Variants in HOXD11 observed in about 807,000 individuals in gnomAD.
The protein encoded by HOXD11 is homeobox D11, also known as homeobox protein Hox-D11.
HOXD11 carries 16 observed loss-of-function variants against 23.1 expected under a neutral mutation model. The observed-to-expected ratio is 0.69, with a 90% CI of 0.47 to 1.05. The LOEUF is 1.05. Among genes scored for constraint, HOXD11 ranks in the 50% least tolerant of loss-of-function variants. The pLI is 0.00. For synonymous variants in HOXD11, 262 were observed against 224.4 expected (o/e 1.17, Z -1.50); for missense variants, 564 against 495.6 (o/e 1.14, Z -1.31).
chr2:176,113,842 A>T (rs922246085), downstream of HOXD11, among the ~76,000 whole-genome samples: 12 of 152,202 alleles, frequency 7.9e-5, no homozygotes, highest in African/African-American at 2.9e-4. Context: ...CCAATAAGGG[A>T]GTGACTTTGA....
downstream of HOXD11, among the ~76,000 whole-genome samples, chr2:176,112,610 A>G (rs987035077): frequency 7.2e-5 from 11 of 152,184 alleles, no homozygotes; most frequent in Non-Finnish European, 1.5e-5. Flanking sequence ...CCTTGGCTCC[A>G]CTAGTCTGAC....
intron 1 of HOXD11, among the ~76,000 whole-genome samples, 200 bp downstream of exon 1, chr2:176,108,336 T>C (rs1380755136): frequency 2.0e-5 from 3 of 152,124 alleles, no homozygotes; most frequent in Non-Finnish European, 4.4e-5. Flanking sequence ...TAAGGTAGAC[T>C]TCGAGGAGGA....
Position 176,108,937 on chromosome 2 carries a change from G to A in HOXD11, c.812G>A (p.Cys271Tyr), listed in dbSNP as rs1438663555. The A allele has an allele frequency of 4.3e-6, 7 of 1,613,966 alleles. No individual in the cohort carries two copies. The African/African-American group carries it at 9.3e-5, about 22-fold the overall frequency. The change falls in exon 2 of 2, where the codon TGT becomes TAT. Residue 271 changes from cysteine to tyrosine, a missense_variant. Coordinates refer to ENST00000249504, the MANE Select transcript of HOXD11 (RefSeq NM_021192.3). ...VAPQRSRKKR[C>Y]PYTKYQIREL... ...CCCCAGCGGTCCCGGAAAAAGCGCT[G>A]TCCCTATACCAAGTACCAGATCCGC...
intron 1 of HOXD11, chr2:176,108,659 C>CTGTGGGTG: frequency 3.1e-6 from 1 of 325,008 alleles, no homozygotes. Flanking sequence ...GTGCCAGGCT[C>CTGTGGGTG]TGTGTGTGTG....
chr2:176,108,659 C>CTCTCTGTG, intron 1 of HOXD11: 1 of 325,008 alleles, frequency 3.1e-6, no homozygotes, highest in Non-Finnish European at 5.5e-6. Flanking sequence ...GTGCCAGGCT[C>CTCTCTGTG]TGTGTGTGTG....
chr2:176,111,840 A>AAAAAAAAAAAAAAAAAAAAAAAC (rs1553518459), downstream of HOXD11, among the ~76,000 whole-genome samples: 1 of 140,724 alleles, frequency 7.1e-6, no homozygotes, highest in Non-Finnish European at 1.6e-5. Context: ...AAAAAAAAAA[A>AAAAAAAAAAAAAAAAAAAAAAAC]AAAAAAAAAC....
rs1310324031 is a variant in HOXD11 at position 176,107,748 on chromosome 2, G to T, written c.393G>T (p.Pro131=). The T allele has an allele frequency of 1.7e-6, 2 of 1,200,392 alleles. No homozygotes were observed. Among genetic ancestry groups the T allele is most frequent in the Non-Finnish European group, 2.1e-6 (2 of 972,014 alleles). 74.4% of individuals were successfully genotyped at this position (1,200,392 alleles called of 1,614,324 possible). A position where few individuals can be genotyped will look rare whatever the true frequency, so the allele number is the denominator to read the frequency against. Residue 131 remains proline (P), a synonymous_variant, in exon 1 of 2, where the codon CCG becomes CCT. Transcript: ENST00000249504. ...CGGCCATGCAACGCGAGCTTCTCCC[G>T]CCCGCGGGCCGCCGGCCGGACGTGC... The part of the protein sequence containing the change: ...EEAAMQRELL[P]PAGRRPDVLF...
rs1329685765 is a variant in HOXD11, at chr2:176,108,972, C to A, written c.847C>A (p.Arg283Ser). ...YTKYQIRELE[R>S]EFFFNVYINK... ...CAAGTACCAGATCCGCGAACTGGAACGCGAGTTTTTCTTTAACGTGTACAT... is the reference window on the plus strand; with the variant it reads ...CAAGTACCAGATCCGCGAACTGGAAAGCGAGTTTTTCTTTAACGTGTACAT... The change falls in exon 2 of 2, where the codon CGC (arginine) becomes AGC (serine). Residue 283 changes from arginine to serine, a missense_variant. Physicochemically the swap from Arg to Ser is moderately radical, Grantham distance 110. Coordinates refer to ENST00000249504, the MANE Select transcript of HOXD11 (RefSeq NM_021192.3). The A allele has an allele frequency of 6.2e-7, 1 of 1,614,164 alleles. No homozygotes were observed. The highest frequency in any genetic ancestry group is 2.2e-5 in the East Asian group (1 of 44,882).
rs915506337 is a variant in HOXD11, at chr2:176,107,506, C to T, written c.151C>T (p.Leu51=). 24 of 1,613,690 alleles carry T rather than the reference C, an allele frequency of 1.5e-5. No homozygotes were observed. Among genetic ancestry groups the T allele is most frequent in the Non-Finnish European group, 1.9e-5 (23 of 1,179,876 alleles). The change falls in exon 1 of 2, where the codon CTG becomes TTG. Residue 51 remains leucine (L), a synonymous_variant. Transcript: ENST00000249504. The stretch of plus-strand genomic sequence containing the variant: ...GATGACTTTCCCCTACTCTTCCAAC[C>T]TGGCTCCGCACGTCCAGCCCGTGCG... The part of the protein sequence containing the change: ...CQMTFPYSSN[L]APHVQPVREV...
the HOXD11 span, among the ~76,000 whole-genome samples, chr2:176,115,592 G>A: frequency 1.3e-5 from 2 of 152,304 alleles, no homozygotes; most frequent in African/African-American, 2.4e-5. Context: ...AAATTACCAA[G>A]TAGCCCAAGA....
At position 176,109,125 on chromosome 2, in the gene HOXD11, G is replaced by A. The variant is rs1301627520; in HGVS notation, c.1000G>A (p.Gly334Arg). The change falls in exon 2 of 2, where the codon GGA becomes AGA. Residue 334 changes from glycine to arginine, a missense_variant. Physicochemically the swap from Gly to Arg is moderately radical, Grantham distance 125. Coordinates refer to ENST00000249504, the MANE Select transcript of HOXD11 (RefSeq NM_021192.3). The part of the protein sequence containing the change: ...LNRDRLQYFT[G>R]NPLF ...CAGAGACCGTCTGCAGTATTTCACT[G>A]GAAACCCCTTATTTTGAGAGCTCCA... is the stretch of plus-strand genomic sequence containing the variant. 1.9e-6 allele frequency: 3 copies of A among 1,611,986 alleles called. No homozygotes were observed. The highest frequency in any genetic ancestry group is 2.5e-6 in the Non-Finnish European group (3 of 1,178,162).
chr2:176,110,243 G>T (rs1464794210), downstream of HOXD11, among the ~76,000 whole-genome samples: 8 of 152,168 alleles, frequency 5.3e-5, no homozygotes, highest in East Asian at 1.5e-3. Context: ...TGTGGTGAGG[G>T]CTCTACTGCA....
downstream of HOXD11, among the ~76,000 whole-genome samples, chr2:176,114,385 C>A (rs972413002): frequency 1.3e-5 from 2 of 152,012 alleles, no homozygotes; most frequent in Non-Finnish European, 2.9e-5. Context: ...AAACAGCCAC[C>A]CCTGTGGAAA....
At chr2:176,115,468 T>C in the HOXD11 span, among the ~76,000 whole-genome samples, 1 of 152,256 alleles carries the variant, frequency 6.6e-6, no homozygotes, top group Non-Finnish European at 1.5e-5. Context: ...GCCATTATGG[T>C]AAATTTAACT....
Position 176,109,318 on chromosome 2 carries a change from G to A in HOXD11, c.*176G>A. The A allele has an allele frequency of 1.7e-6, 1 of 600,526 alleles. No homozygotes were observed. Among genetic ancestry groups the A allele is most frequent in the Non-Finnish European group, 3.0e-6 (1 of 337,422 alleles). The allele number at this position is 600,526 out of a possible 1,614,324, so 37.2% of individuals were successfully genotyped here. A position where few individuals can be genotyped will look rare whatever the true frequency, so the allele number is the denominator to read the frequency against. On this transcript the variant is annotated 3_prime_UTR_variant, in exon 2 of 2. Transcript: ENST00000249504. ...AGCGACCACTGCAGCCTGCGGACGA[G>A]GCCGGGACTTGGCCGAGCGGATCCT...
At position 176,107,770 on chromosome 2, in the gene HOXD11, G is replaced by T; in HGVS notation, c.415G>T (p.Val139Leu). Residue 139 changes from valine to leucine, a missense_variant, in exon 1 of 2, where the codon GTG (valine) becomes TTG (leucine). Transcript: ENST00000249504. ...CCCGCCCGCGGGCCGCCGGCCGGAC[G>T]TGCTCTTCAAGGCGCCTGAGCCGGT... is the stretch of plus-strand genomic sequence containing the variant. ...LLPPAGRRPD[V>L]LFKAPEPVCA... is the part of the protein sequence containing the mutation. 7.9e-7 allele frequency: 1 copy of T among 1,273,660 alleles called. No individual in the cohort carries two copies. The highest frequency in any genetic ancestry group is 9.9e-7 in the Non-Finnish European group (1 of 1,012,408). 78.9% of individuals were successfully genotyped at this position (1,273,660 alleles called of 1,614,324 possible).
At chr2:176,111,692 A>C (rs1325464451), downstream of HOXD11, among the ~76,000 whole-genome samples, 2 of 151,580 alleles carry the variant, frequency 1.3e-5, no homozygotes, top group Admixed American at 6.6e-5. Flanking sequence ...TTTAAAAGAT[A>C]AATGTATGCA....
chr2:176,111,843 A>AAAAC (rs1689679539), downstream of HOXD11, among the ~76,000 whole-genome samples: 1 of 148,096 alleles, frequency 6.8e-6, no homozygotes, highest in African/African-American at 2.5e-5. Flanking sequence ...AAAAAAAAAA[A>AAAAC]AAAAAACCTT....
Position 176,108,084 on chromosome 2 carries a change from C to A in HOXD11, c.729C>A (p.Gly243=). 7.2e-7 allele frequency: 1 copy of A among 1,395,050 alleles called. No homozygotes were observed. The highest frequency in any genetic ancestry group is 9.3e-7 in the Non-Finnish European group (1 of 1,071,184). The allele number at this position is 1,395,050 out of a possible 1,614,324, so 86.4% of individuals were successfully genotyped here. A position where few individuals can be genotyped will look rare whatever the true frequency, so the allele number is the denominator to read the frequency against. ...AGGGGGCAGCAGAAGGCAGCGGTGGCGACGGCGAGGGCCCCCCGGGAGAGG... is the reference window on the plus strand; with the variant it reads ...AGGGGGCAGCAGAAGGCAGCGGTGGAGACGGCGAGGGCCCCCCGGGAGAGG... ...EPKGAAEGSG[G]DGEGPPGEAG... The change falls in exon 1 of 2, where the codon GGC becomes GGA. Residue 243 remains glycine, a synonymous_variant. Coordinates refer to ENST00000249504, the MANE Select transcript of HOXD11 (RefSeq NM_021192.3).
Sources: allele counts gnomAD v4.1 joint callset (sites outside exome capture counted in the v4.1 genomes callset), GRCh38; gene constraint gnomAD v4.1.1; transcripts MANE v1.5; gene names NCBI Gene and HGNC (gene_info 2026-07-23, HGNC 2026-07-21).